The following THEMIS variants were observed in gnomAD, a reference collection of about 807,000 sequenced individuals.
The protein encoded by THEMIS is protein THEMIS.
Under a neutral mutation model 52.6 loss-of-function variants are expected in THEMIS, and 37 were observed. That is an observed-to-expected ratio of 0.70 (90% CI 0.54 to 0.93). The LOEUF (loss-of-function observed/expected upper bound fraction) is 0.93. THEMIS is among the 40% of genes least tolerant of loss of function. The pLI is 0.00. For synonymous variants in THEMIS, 292 were observed against 272.7 expected (o/e 1.07, Z -0.70); for missense variants, 808 against 763.1 (o/e 1.06, Z -0.69).
At position 127,808,939 on chromosome 6, in the gene THEMIS, T is replaced by C. The variant is rs1777810469; in HGVS notation, c.1758+3944A>G. On this transcript the variant is annotated intron_variant, in intron 4 of 5. Coordinates refer to ENST00000368248, the MANE Select transcript of THEMIS (RefSeq NM_001010923.3). ...CCAACCGCAGATACCTGCTATAGGTTAATTTGGCTAATGCAGGGTGAATTT... is the reference window on the plus strand; with the variant it reads ...CCAACCGCAGATACCTGCTATAGGTCAATTTGGCTAATGCAGGGTGAATTT... Among the ~76,000 whole-genome samples, 4 of 152,352 alleles carry C rather than the reference T, an allele frequency of 2.6e-5. No homozygotes were observed. The South Asian group carries it at 8.3e-4, about 32-fold the overall frequency.
At chr6:127,812,803 A>G in intron 4 of THEMIS, 80 bp downstream of exon 4, 2 of 1,413,720 alleles carry the variant, frequency 1.4e-6, no homozygotes, top group Non-Finnish European at 1.9e-6. Context: ...AAAGTAAGCA[A>G]AACACACTCA....
chr6:127,913,501 T>A (rs1294712069), intron 1 of THEMIS, among the ~76,000 whole-genome samples: 1 of 152,160 alleles, frequency 6.6e-6, no homozygotes, highest in African/African-American at 2.4e-5. Context: ...GGACTTGACA[T>A]ATTTGTTGTA....
In THEMIS at chr6:127,813,232, T is replaced by C. The variant is rs1352361603; in HGVS notation, c.1409A>G (p.Glu470Gly). 2 of 1,614,004 alleles carry C rather than the reference T, an allele frequency of 1.2e-6. No homozygotes were observed. Among genetic ancestry groups the C allele is most frequent in the South Asian group, 1.1e-5 (1 of 91,084 alleles). The change falls in exon 4 of 6, where the codon GAG becomes GGG. Residue 470 changes from glutamate to glycine, a missense_variant. Physicochemically the swap from Glu to Gly is moderately conservative, Grantham distance 98. Transcript: ENST00000368248. ...TCCTGGTGTGGCAGCCAACACGTCC[T>C]CTTCAATGGAAAGATCCCTGACAGA... ...KVSVRDLSIE[E>G]DVLAATPGLQ...
chr6:127,879,811 C>A (rs1446566109), intron 1 of THEMIS, among the ~76,000 whole-genome samples: 1 of 152,002 alleles, frequency 6.6e-6, no homozygotes, highest in Non-Finnish European at 1.5e-5. Context: ...GGATCCTAAC[C>A]AAGCTGGTCT....
chr6:127,825,513 T>A (rs1344390706), intron 3 of THEMIS, among the ~76,000 whole-genome samples: 1 of 152,188 alleles, frequency 6.6e-6, no homozygotes, highest in East Asian at 1.9e-4. Context: ...CAAACATTCA[T>A]GCACCGTTCT....
At chr6:127,719,165 T>G (rs915147806) in intron 5 of THEMIS, among the ~76,000 whole-genome samples, 1 of 151,866 alleles carries the variant, frequency 6.6e-6, no homozygotes, top group Non-Finnish European at 1.5e-5. Context: ...ATATGGAAGT[T>G]AGTCTGGGTA....
intron 4 of THEMIS, among the ~76,000 whole-genome samples, chr6:127,755,538 TAA>T (rs1331732505): frequency 6.6e-6 from 1 of 152,174 alleles, no homozygotes; most frequent in Non-Finnish European, 1.5e-5. Context: ...AACTTTACTA[TAA>T]GTTTTAATTC....
intron 4 of THEMIS, among the ~76,000 whole-genome samples, chr6:127,729,140 T>TTCTC (rs35400135): frequency 2.0e-3 from 211 of 106,116 alleles, no homozygotes; most frequent in Admixed American, 2.4e-3. Context: ...TACCAATTTA[T>TTCTC]TCTCTCTCTC....
At chr6:127,735,433 T>C (rs1448134826) in intron 4 of THEMIS, among the ~76,000 whole-genome samples, 1 of 152,128 alleles carries the variant, frequency 6.6e-6, no homozygotes, top group Non-Finnish European at 1.5e-5. Context: ...AGCAATGACT[T>C]TCAGTGAAAA....
At chr6:127,780,844 C>G (rs972152638) in intron 4 of THEMIS, among the ~76,000 whole-genome samples, 1 of 152,062 alleles carries the variant, frequency 6.6e-6, no homozygotes, top group Non-Finnish European at 1.5e-5. Context: ...TCATTTCAAC[C>G]TTGGCGAATC....
the THEMIS span, among the ~76,000 whole-genome samples, chr6:127,702,711 A>C: frequency 5.3e-5 from 8 of 152,108 alleles, no homozygotes; most frequent in Non-Finnish European, 1.0e-4. Context: ...GTTACAAAAG[A>C]AAGTGGTTTA....
chr6:127,832,783 T>TTTTTTTTTTTTG (rs1778742841), intron 2 of THEMIS, among the ~76,000 whole-genome samples: 1 of 123,616 alleles, frequency 8.1e-6, no homozygotes, highest in Non-Finnish European at 1.7e-5. Context: ...AGATCTTTTT[T>TTTTTTTTTTTTG]TTTTTTTTTT....
At chr6:127,739,391 T>C (rs1234932513) in intron 4 of THEMIS, among the ~76,000 whole-genome samples, 4 of 152,170 alleles carry the variant, frequency 2.6e-5, no homozygotes. Flanking sequence ...CTCACACTTG[T>C]AATCCCAGCA....
intron 5 of THEMIS, 122 bp from the exon 6 acceptor site, chr6:127,710,138 G>T: frequency 1.8e-6 from 1 of 543,676 alleles, no homozygotes; most frequent in Non-Finnish European, 3.0e-6. Flanking sequence ...ACGGTTGGAA[G>T]CAAAGCAGAA....
At chr6:127,746,114 A>G (rs1175454611) in intron 4 of THEMIS, among the ~76,000 whole-genome samples, 1 of 151,800 alleles carries the variant, frequency 6.6e-6, no homozygotes, top group East Asian at 1.9e-4. Context: ...CTTCCCAAGT[A>G]TTTCTTTGAC....
intron 3 of THEMIS, among the ~76,000 whole-genome samples, chr6:127,823,690 G>A (rs1360616802): frequency 6.6e-6 from 1 of 152,028 alleles, no homozygotes; most frequent in East Asian, 1.9e-4. Context: ...TTTAGCAGGA[G>A]TAGCAACCAG....
chr6:127,774,828 A>C (rs1033999229), intron 4 of THEMIS, among the ~76,000 whole-genome samples: 2 of 152,200 alleles, frequency 1.3e-5, no homozygotes, highest in Non-Finnish European at 2.9e-5. Flanking sequence ...GTATTTAGCA[A>C]CTGGCTTCTA....
intron 4 of THEMIS, among the ~76,000 whole-genome samples, chr6:127,808,120 C>T (rs1777781446): frequency 6.6e-6 from 1 of 152,158 alleles, no homozygotes; most frequent in African/African-American, 2.4e-5. Flanking sequence ...GACACTTGGG[C>T]ATTAAATGGC....
chr6:127,869,993 G>A (rs1036884875), intron 1 of THEMIS, among the ~76,000 whole-genome samples: 12 of 152,062 alleles, frequency 7.9e-5, no homozygotes, highest in African/African-American at 1.7e-4. Flanking sequence ...TTTTGCTTGG[G>A]TGGTGTCAGA....
Sources: gnomAD v4.1 joint callset for allele counts (sites outside exome capture counted in the v4.1 genomes callset) on GRCh38, gnomAD v4.1.1 for gene constraint, MANE v1.5 for transcripts, NCBI Gene and HGNC (gene_info 2026-07-23, HGNC 2026-07-21) for gene names.